The following DOCK10 variants were observed in gnomAD, a reference collection of about 807,000 sequenced individuals.
The protein encoded by DOCK10 is dedicator of cytokinesis 10, also known as dedicator of cytokinesis protein 10.
A neutral mutation model predicts 280.1 loss-of-function variants in DOCK10; 145 were observed. The observed-to-expected ratio is 0.52, with a 90% CI of 0.45 to 0.59. The LOEUF is 0.59. Among genes scored for constraint, DOCK10 ranks in the 20% least tolerant of loss-of-function variants. The pLI is 0.00. For missense variants in DOCK10, 2,368 were observed against 2,651.7 expected (o/e 0.89, Z 2.35); for synonymous variants, 915 against 942.2 (o/e 0.97, Z 0.53).
At chr2:224,983,774 T>TC (rs1705872704) in intron 1 of DOCK10, 1 of 471,130 alleles carries the variant, frequency 2.1e-6, no homozygotes, top group African/African-American at 2.0e-5. Flanking sequence ...CAGTAGTTTT[T>TC]CATCTCCCTC....
chr2:225,019,923 A>C (rs1199057882), intron 1 of DOCK10, among the ~76,000 whole-genome samples: 1 of 152,206 alleles, frequency 6.6e-6, no homozygotes, highest in Admixed American at 6.5e-5. Flanking sequence ...AGCTGAACCA[A>C]CAAGCTGAAC....
At chr2:224,780,402 C>A (rs542538191) in intron 50 of DOCK10, among the ~76,000 whole-genome samples, 1 of 152,070 alleles carries the variant, frequency 6.6e-6, no homozygotes, top group Non-Finnish European at 1.5e-5. Flanking sequence ...AGCTTTCAGG[C>A]GAATCCTCAT....
chr2:224,871,773 G>C (rs966814027), intron 11 of DOCK10, among the ~76,000 whole-genome samples: 1 of 152,052 alleles, frequency 6.6e-6, no homozygotes, highest in Non-Finnish European at 1.5e-5. Flanking sequence ...CACCTCTGCC[G>C]AGAGGGCCTT....
In DOCK10 at chr2:224,841,909, A is replaced by C; in HGVS notation, c.2569-13T>G. 6.3e-7 allele frequency: 1 copy of C among 1,582,172 alleles called. No homozygotes were observed. ...TCACATGTGGATCCTACAACAGCAA[A>C]AAAAAAGTATTTATTTCTGATGACA... On this transcript the variant is annotated splice_polypyrimidine_tract_variant and intron_variant, in intron 22 of 55. Transcript: ENST00000258390.
rs1377241765 is a variant in DOCK10, at chr2:224,862,769, T to C, written c.1603-23A>G. ...ATACTAAAGAAAAAATAAATACAAATATTGTTTAGAATAGCACTTTATAAA... is the reference window on the plus strand; with the variant it reads ...ATACTAAAGAAAAAATAAATACAAACATTGTTTAGAATAGCACTTTATAAA... On this transcript the variant is annotated intron_variant, in intron 13 of 55. Transcript: ENST00000258390. 8 of 1,478,886 alleles carry C rather than the reference T, an allele frequency of 5.4e-6. No homozygotes were observed. The South Asian group carries it at 7.2e-5, about 13-fold the overall frequency. 91.6% of individuals were successfully genotyped at this position (1,478,886 alleles called of 1,614,324 possible). A position where few individuals can be genotyped will look rare whatever the true frequency, so the allele number is the denominator to read the frequency against.
intron 55 of DOCK10, among the ~76,000 whole-genome samples, chr2:224,767,692 C>G (rs1690149006): frequency 6.6e-6 from 1 of 152,052 alleles, no homozygotes; most frequent in South Asian, 2.1e-4. Context: ...ATAAAAAGAG[C>G]CTACAATGTG....
At chr2:224,857,188 C>T (rs77722623) in intron 14 of DOCK10, among the ~76,000 whole-genome samples, 1 of 152,110 alleles carries the variant, frequency 6.6e-6, no homozygotes, top group South Asian at 2.1e-4. Context: ...ACTCTGTATC[C>T]GAAGTGATAA....
At chr2:225,006,306 A>ATTT (rs1689246769) in intron 1 of DOCK10, among the ~76,000 whole-genome samples, 3 of 152,188 alleles carry the variant, frequency 2.0e-5, no homozygotes, top group African/African-American at 7.2e-5. Flanking sequence ...TACTTATATC[A>ATTT]CAGCTTTAGC....
intron 2 of DOCK10, among the ~76,000 whole-genome samples, chr2:224,925,594 A>G (rs1702005065): frequency 6.6e-6 from 1 of 152,220 alleles, no homozygotes; most frequent in African/African-American, 2.4e-5. Flanking sequence ...GGTGTCCTGG[A>G]TATAAACAGC....
chr2:225,010,811 CA>C (rs1689412549), intron 1 of DOCK10, among the ~76,000 whole-genome samples: 2 of 150,140 alleles, frequency 1.3e-5, no homozygotes, highest in Non-Finnish European at 2.9e-5. Context: ...ATAAATCCTG[CA>C]AAACTTTTCC....
intron 1 of DOCK10, among the ~76,000 whole-genome samples, chr2:225,033,157 A>C (rs1179416898): frequency 6.6e-6 from 1 of 151,420 alleles, no homozygotes; most frequent in Non-Finnish European, 1.5e-5. Context: ...TAAGTTGCCC[A>C]AAATAAAGAA....
chr2:224,927,021 G>A (rs147450528), intron 2 of DOCK10, among the ~76,000 whole-genome samples: 2 of 152,316 alleles, frequency 1.3e-5, no homozygotes, highest in Non-Finnish European at 2.9e-5. Context: ...GGTGATAAGT[G>A]TTATCAAGAG....
intron 1 of DOCK10, among the ~76,000 whole-genome samples, chr2:224,974,732 A>G (rs903518775): frequency 7.7e-6 from 1 of 130,422 alleles, no homozygotes; most frequent in African/African-American, 2.6e-5. Context: ...GATGTTTTTC[A>G]TCTCCACAGT....
chr2:224,804,817 G>C lies in DOCK10; in HGVS notation c.4143C>G (p.Tyr1381Ter). Residue 1381 changes from tyrosine (Y) to a stop codon, truncating the protein, a stop_gained, in exon 38 of 56, where the codon TAC (tyrosine) becomes TAG (stop). Coordinates refer to ENST00000258390, the MANE Select transcript of DOCK10 (RefSeq NM_014689.3). LOFTEE classifies it high-confidence loss of function. ...ACCTTATTATGTTGCGTTTTCCTAGGTATCTGAAATTTTGAAGACAAACGC... is the reference window on the plus strand; with the variant it reads ...ACCTTATTATGTTGCGTTTTCCTAGCTATCTGAAATTTTGAAGACAAACGC... ...ILDVCLQNFR[Y>*]LGKRNIIRKI... 6.6e-7 allele frequency: 1 copy of C among 1,507,750 alleles called. No individual in the cohort carries two copies. Among genetic ancestry groups the C allele is most frequent in the Non-Finnish European group, 8.9e-7 (1 of 1,129,138 alleles). 93.4% of individuals were successfully genotyped at this position (1,507,750 alleles called of 1,614,324 possible).
intron 7 of DOCK10, among the ~76,000 whole-genome samples, 185 bp from the exon 8 acceptor site, chr2:224,876,406 CTT>C (rs1417913556): frequency 6.6e-6 from 1 of 152,042 alleles, no homozygotes; most frequent in Non-Finnish European, 1.5e-5. Flanking sequence ...TCTTTCAAAG[CTT>C]TTTGTACTAA....
chr2:224,805,254 T>C lies in DOCK10; in HGVS notation c.4003A>G (p.Arg1335Gly). The C allele has an allele frequency of 1.2e-6, 2 of 1,613,182 alleles. No homozygotes were observed. Among genetic ancestry groups the C allele is most frequent in the Non-Finnish European group, 1.7e-6 (2 of 1,179,368 alleles). Residue 1335 changes from arginine to glycine, a missense_variant, in exon 36 of 56, where the codon AGG becomes GGG. Physicochemically the swap from Arg to Gly is moderately radical, Grantham distance 125 (BLOSUM62 -2). This residue lies in a region of DOCK10 where 1,159 missense variants were observed against 1,400.8 expected (regional missense o/e 0.83). Transcript: ENST00000258390. The surrounding 1 kb of genome is among the most constrained non-coding windows in gnomAD (Gnocchi z 4.3). Reference protein sequence around the residue: ...RFDKLDQAETRSLLMCFLHIM... With the variant: ...RFDKLDQAETGSLLMCFLHIM... The stretch of plus-strand genomic sequence containing the variant: ...TGAAGAAAACACATCAGGAGACTCC[T>C]GGTTTCTGCTTGATCTAACTTGTCA...
Position 224,965,135 on chromosome 2 carries a change from C to T in DOCK10, c.124-33467G>A, listed in dbSNP as rs544272171. Among the ~76,000 whole-genome samples the T allele has an allele frequency of 2.8e-3, 425 of 152,298 alleles. 2 individuals are homozygous for T. Among genetic ancestry groups the T allele is most frequent in the South Asian group, 0.012 (56 of 4,828 alleles). ...TTTAGAAAATAATTACATTGTGTAT[C>T]TCATGAGGCACATTTTTCCAAAAAC... On this transcript the variant is annotated intron_variant, in intron 1 of 55. Coordinates refer to ENST00000258390, the MANE Select transcript of DOCK10 (RefSeq NM_014689.3).
chr2:224,943,880 T>C (rs183139752), intron 1 of DOCK10, among the ~76,000 whole-genome samples: 239 of 151,836 alleles, frequency 1.6e-3, no homozygotes, highest in African/African-American at 5.5e-3. Context: ...TCTTCTGCCT[T>C]AGCCTCCCGA....
intron 1 of DOCK10, among the ~76,000 whole-genome samples, chr2:224,990,691 A>G (rs1476276328): frequency 6.6e-6 from 1 of 152,150 alleles, no homozygotes; most frequent in Non-Finnish European, 1.5e-5. Context: ...TGGGTGTTGC[A>G]TATGTCTCCT....
Sources: gnomAD v4.1 joint callset for allele counts (sites outside exome capture counted in the v4.1 genomes callset) on GRCh38, gnomAD v4.1.1 for gene constraint, gnomAD v4.1.1 regional missense constraint, Gnocchi (gnomAD v3.1) non-coding constraint, MANE v1.5 for transcripts, NCBI Gene and HGNC (gene_info 2026-07-23, HGNC 2026-07-21) for gene names.